The following RMND1 variants were observed in gnomAD, a reference collection of about 807,000 sequenced individuals.
RMND1 encodes required for meiotic nuclear division 1 homolog.
In RMND1, 41 loss-of-function variants were observed where a neutral mutation model predicts 54.0. That is an observed-to-expected ratio of 0.76 (90% CI 0.59 to 0.98). RMND1 has a LOEUF of 0.98. Among genes scored for constraint, RMND1 ranks in the 50% least tolerant of loss-of-function variants. The pLI is 0.00. For missense variants in RMND1, 457 were observed against 532.0 expected (o/e 0.86, Z 1.39); for synonymous variants, 183 against 181.7 (o/e 1.01, Z -0.06).
At chr6:151,446,041 A>G (rs1301980741) in intron 1 of RMND1, 2 of 486,900 alleles carry the variant, frequency 4.1e-6, no homozygotes, top group African/African-American at 3.9e-5. Context: ...GAAGATTACA[A>G]GATTATAAAG....
Position 151,445,844 on chromosome 6 carries a change from A to T in RMND1, c.-14-19T>A, listed in dbSNP as rs895878505. 7 of 1,524,152 alleles carry T rather than the reference A, an allele frequency of 4.6e-6. No individual in the cohort carries two copies. In the Admixed American group the frequency reaches 6.7e-5, roughly 15 times the overall value. The allele number at this position is 1,524,152 out of a possible 1,614,324, so 94.4% of individuals were successfully genotyped here. A position where few individuals can be genotyped will look rare whatever the true frequency, so the allele number is the denominator to read the frequency against. ...TCCCAAGCTAAAAGAAAAGGAATTC[A>T]AAGTTCAAGTTTTTAAATTAATGTT... On this transcript the variant is annotated intron_variant, in intron 1 of 11. Transcript: ENST00000444024.
rs1780934807 is a variant in RMND1 at position 151,445,688 on chromosome 6, T to C, written c.124A>G (p.Ser42Gly). The C allele has an allele frequency of 1.9e-6, 3 of 1,614,204 alleles. No homozygotes were observed. Among genetic ancestry groups the C allele is most frequent in the African/African-American group, 1.3e-5 (1 of 75,060 alleles). ...PLKEFENTTC[S>G]TLTIRQSLDL... ...AAGCTTTGACGTATTGTCAGTGTGC[T>C]GCATGTTGTATTTTCAAATTCCTTA... Residue 42 changes from serine to glycine, a missense_variant, in exon 2 of 12, where the codon AGC (serine) becomes GGC (glycine). Transcript: ENST00000444024.
At chr6:151,409,754 AT>A (rs1041372262) in intron 10 of RMND1, among the ~76,000 whole-genome samples, 1 of 152,194 alleles carries the variant, frequency 6.6e-6, no homozygotes, top group Non-Finnish European at 1.5e-5. Flanking sequence ...TGAGAGAGAC[AT>A]TTGAAAATCC....
At chr6:151,442,693 C>CTT (rs71790787) in intron 2 of RMND1, among the ~76,000 whole-genome samples, 78 of 130,452 alleles carry the variant, frequency 6.0e-4, no homozygotes, top group Middle Eastern at 4.1e-3. Context: ...GCAAGCCCGG[C>CTT]TTTTTTTTTT....
rs778519194 is a variant in RMND1 at position 151,445,524 on chromosome 6, T to C, written c.288A>G (p.Pro96=). 36 of 1,614,112 alleles carry C rather than the reference T, an allele frequency of 2.2e-5. No homozygotes were observed. The South Asian group carries it at 4.0e-4, about 18-fold the overall frequency. The stretch of plus-strand genomic sequence containing the variant: ...TGTGAGTACCAAAGGATTTCATGGT[T>C]GGAAGGTGTGCCTTTTCATCTTGGC... The part of the protein sequence containing the change: ...ARCQDEKAHL[P]TMKSFGTHRR... Residue 96 remains proline (P), a synonymous_variant, in exon 2 of 12, where the codon CCA becomes CCG. Transcript: ENST00000444024.
chr6:151,411,275 A>G (rs919933589), intron 10 of RMND1: 13 of 152,190 alleles, frequency 8.5e-5, no homozygotes, highest in African/African-American at 1.2e-4. Context: ...GAGATTTTAA[A>G]TCTTGGGGAT....
At chr6:151,409,869 G>A (rs1414183044) in intron 10 of RMND1, among the ~76,000 whole-genome samples, 6 of 152,136 alleles carry the variant, frequency 3.9e-5, no homozygotes, top group Admixed American at 1.3e-4. Flanking sequence ...GGATACTGAC[G>A]TGAGAAAATG....
chr6:151,445,553 G>T lies in RMND1; in HGVS notation c.259C>A (p.Arg87Ser). 1 of 1,614,164 alleles carries T rather than the reference G, an allele frequency of 6.2e-7. No homozygotes were observed. The highest frequency in any genetic ancestry group is 8.5e-7 in the Non-Finnish European group (1 of 1,180,050). ...TSMLSPLNAA[R>S]CQDEKAHLPT... Reference sequence around the variant, plus strand: ...AGGTGTGCCTTTTCATCTTGGCAACGAGCAGCATTTAATGGAGACAGCATG... The same window carrying T: ...AGGTGTGCCTTTTCATCTTGGCAACTAGCAGCATTTAATGGAGACAGCATG... Residue 87 changes from arginine to serine, a missense_variant, in exon 2 of 12, where the codon CGT (arginine) becomes AGT (serine). Transcript: ENST00000444024.
At chr6:151,419,671 T>A (rs1427369530) in intron 9 of RMND1, among the ~76,000 whole-genome samples, 21 of 117,094 alleles carry the variant, frequency 1.8e-4, no homozygotes, top group African/African-American at 4.7e-4. Context: ...AGACCCTGTT[T>A]AAAAAAAAAA....
rs1780928249 is a variant in RMND1 at position 151,445,491 on chromosome 6, C to T, written c.321G>A (p.Val107=). The T allele has an allele frequency of 6.2e-7, 1 of 1,614,184 alleles. No individual in the cohort carries two copies. Among genetic ancestry groups the T allele is most frequent in the Non-Finnish European group, 8.5e-7 (1 of 1,180,022 alleles). ...AACCCAACAGATTTGGTTTGTGGGT[C>T]ACTCTCCTGTGAGTACCAAAGGATT... ...TMKSFGTHRR[V]THKPNLLGSK... is the part of the protein sequence containing the mutation. Residue 107 remains valine, a synonymous_variant, in exon 2 of 12, where the codon GTG becomes GTA. Coordinates refer to ENST00000444024, the MANE Select transcript of RMND1 (RefSeq NM_017909.4).
chr6:151,436,113 A>AAAC, intron 3 of RMND1: 1 of 71,594 alleles, frequency 1.4e-5, no homozygotes, highest in South Asian at 3.3e-4. Context: ...CCCAAAAAAC[A>AAAC]AAAAAAAAAA....
intron 10 of RMND1, among the ~76,000 whole-genome samples, chr6:151,415,914 T>TA (rs1779991628): frequency 6.6e-6 from 1 of 150,822 alleles, no homozygotes; most frequent in Non-Finnish European, 1.5e-5. Context: ...ACAGTCCGGG[T>TA]AGGGGGAGGG....
In RMND1 at chr6:151,436,543, G is replaced by A. The variant is rs1197354969; in HGVS notation, c.516C>T (p.His172=). ...CATCTGCCGTTGCAAATGCTGTGCA[G>A]TGCATTAGGTCCTGTTCCAGGGAAA... ...PVLSVNEDLM[H]CTAFATADEY... The change falls in exon 3 of 12, where the codon CAC becomes CAT. Residue 172 remains histidine (H), a synonymous_variant. Coordinates refer to ENST00000444024, the MANE Select transcript of RMND1 (RefSeq NM_017909.4). The A allele has an allele frequency of 6.2e-7, 1 of 1,613,734 alleles. No homozygotes were observed. The highest frequency in any genetic ancestry group is 1.3e-5 in the African/African-American group (1 of 74,908).
At position 151,422,610 on chromosome 6, in the gene RMND1, GA is replaced by G; in HGVS notation, c.938-6del. On this transcript the variant is annotated splice_polypyrimidine_tract_variant and splice_region_variant and intron_variant, in intron 7 of 11. Coordinates refer to ENST00000444024, the MANE Select transcript of RMND1 (RefSeq NM_017909.4). ...CTTCCCAAATTGCCAGTTTTACTGG[GA>G]AAAAAATTAATAATGGAACATTTCT... 36 of 1,437,382 alleles carry G rather than the reference GA, an allele frequency of 2.5e-5. No individual in the cohort carries two copies. Among genetic ancestry groups the G allele is most frequent in the Non-Finnish European group, 2.9e-5 (31 of 1,055,144 alleles). 89.0% of individuals were successfully genotyped at this position (1,437,382 alleles called of 1,614,324 possible).
At chr6:151,432,691 T>C (rs1780482050) in intron 4 of RMND1, among the ~76,000 whole-genome samples, 1 of 151,922 alleles carries the variant, frequency 6.6e-6, no homozygotes, top group Non-Finnish European at 1.5e-5. Context: ...AAGGAATAAG[T>C]GTGTATGTGA....
At chr6:151,450,119 G>A (rs1187835194) in intron 1 of RMND1, among the ~76,000 whole-genome samples, 6 of 152,032 alleles carry the variant, frequency 3.9e-5, no homozygotes, top group Admixed American at 2.6e-4. Flanking sequence ...AGTCTGGAAA[G>A]TGAGGAGCGT....
intron 10 of RMND1, among the ~76,000 whole-genome samples, chr6:151,411,081 C>CCTCA (rs1445773321): frequency 2.0e-5 from 3 of 152,090 alleles, no homozygotes; most frequent in Non-Finnish European, 4.4e-5. Context: ...TGCCTCAGCC[C>CCTCA]CTCAAGTACC....
At chr6:151,429,314 G>GT (rs1780390585) in intron 5 of RMND1, among the ~76,000 whole-genome samples, 1 of 151,828 alleles carries the variant, frequency 6.6e-6, no homozygotes, top group Non-Finnish European at 1.5e-5. Flanking sequence ...TAGACATGGG[G>GT]TTCACCATGT....
intron 6 of RMND1, 109 bp from the exon 7 acceptor site, chr6:151,423,740 T>A (rs1419541280): frequency 9.3e-6 from 7 of 748,982 alleles, no homozygotes; most frequent in Non-Finnish European, 1.7e-5. Context: ...ACAATTTGTA[T>A]CAAGAGTGTT....
Sources: allele counts gnomAD v4.1 joint callset (sites outside exome capture counted in the v4.1 genomes callset), GRCh38; gene constraint gnomAD v4.1.1; transcripts MANE v1.5; gene names NCBI Gene and HGNC (gene_info 2026-07-23, HGNC 2026-07-21).